Variants in BICDL1 observed in about 807,000 individuals in gnomAD.
The protein encoded by BICDL1 is BICD family-like cargo adapter 1.
BICDL1 carries 20 observed loss-of-function variants against 76.8 expected under a neutral mutation model. The observed-to-expected ratio is 0.26, with a 90% CI of 0.18 to 0.38. The LOEUF (loss-of-function observed/expected upper bound fraction) is 0.38, where lower values mean the gene tolerates loss of function less well. BICDL1 is among the 10% of genes least tolerant of loss of function. BICDL1 has a pLI of 1.00. For missense variants in BICDL1, 700 were observed against 798.6 expected, an observed-to-expected ratio of 0.88 and a Z score of 1.49; for synonymous variants, 383 against 337.1, an observed-to-expected ratio of 1.14 and a Z score of -1.49.
At chr12:120,054,521 G>C (rs1036724379) in intron 2 of BICDL1, among the ~76,000 whole-genome samples, 7 of 152,094 alleles carry the variant, frequency 4.6e-5, no homozygotes, top group African/African-American at 1.7e-4. Flanking sequence ...GAAATCCCAC[G>C]TGCCTAATAA....
intron 2 of BICDL1, among the ~76,000 whole-genome samples, chr12:120,027,674 A>G (rs769631694): frequency 1.7e-4 from 26 of 152,106 alleles, no homozygotes; most frequent in Non-Finnish European, 2.8e-4. Flanking sequence ...TAAAAATCCA[A>G]TTTGCACTCT....
chr12:120,054,003 T>A (rs1952919232), intron 2 of BICDL1, among the ~76,000 whole-genome samples: 1 of 151,680 alleles, frequency 6.6e-6, no homozygotes, highest in Admixed American at 6.6e-5. Context: ...TGAAACCCTG[T>A]CTCTACTAAA....
chr12:120,057,908 G>C (rs868619467), intron 2 of BICDL1, among the ~76,000 whole-genome samples: 27 of 142,812 alleles, frequency 1.9e-4, no homozygotes, highest in African/African-American at 6.9e-4. Context: ...TCGGCACGCT[G>C]CAAGCTCCGC....
intron 2 of BICDL1, among the ~76,000 whole-genome samples, chr12:120,029,101 C>G (rs1231965476): frequency 6.6e-6 from 1 of 152,142 alleles, no homozygotes; most frequent in East Asian, 1.9e-4. Context: ...AAAGCAGGCC[C>G]TGAGCTGAGG....
rs1951952843 is a variant in BICDL1, at chr12:120,011,512, A to G, written c.645+12776A>G. Among the ~76,000 whole-genome samples the G allele has an allele frequency of 2.0e-5, 3 of 152,230 alleles. No homozygotes were observed. The South Asian group carries it at 6.2e-4, about 31-fold the overall frequency. On this transcript the variant is annotated intron_variant, in intron 2 of 9. Transcript: ENST00000548673. Reference sequence around the variant, plus strand: ...TCACCTTTTTTGGTACACATTCACCATTCTATCCCAGATAGAGAAGCTGTT... The same window carrying G: ...TCACCTTTTTTGGTACACATTCACCGTTCTATCCCAGATAGAGAAGCTGTT...
At chr12:120,034,828 A>T (rs1952499093) in intron 2 of BICDL1, among the ~76,000 whole-genome samples, 1 of 152,154 alleles carries the variant, frequency 6.6e-6, no homozygotes. Flanking sequence ...GCAGTTCACA[A>T]CACAGCTGAT....
At chr12:120,051,326 G>A (rs1349385031) in intron 2 of BICDL1, among the ~76,000 whole-genome samples, 1 of 152,168 alleles carries the variant, frequency 6.6e-6, no homozygotes, top group East Asian at 1.9e-4. Context: ...GATTACAGGC[G>A]TGAGCCACTG....
At chr12:120,041,572 G>T (rs538539120) in intron 2 of BICDL1, among the ~76,000 whole-genome samples, 113 of 152,234 alleles carry the variant, frequency 7.4e-4, no homozygotes, top group South Asian at 2.1e-3. Context: ...ACTATCTGTC[G>T]GGTGTAATAA....
At chr12:120,045,917 T>TAATAATAATA (rs1555288138) in intron 2 of BICDL1, among the ~76,000 whole-genome samples, 1 of 137,634 alleles carries the variant, frequency 7.3e-6, no homozygotes, top group East Asian at 2.0e-4. Context: ...CTTAAAGTAT[T>TAATAATAATA]ATAATAATAA....
At chr12:120,064,506 G>C (rs1953177537) in intron 3 of BICDL1, 5 of 291,044 alleles carry the variant, frequency 1.7e-5, no homozygotes, top group Admixed American at 5.3e-5. Flanking sequence ...CCACATTCCA[G>C]CTTCCCCAGA....
At chr12:120,044,256 T>C (rs1178112314) in intron 2 of BICDL1, among the ~76,000 whole-genome samples, 1 of 152,208 alleles carries the variant, frequency 6.6e-6, no homozygotes, top group Non-Finnish European at 1.5e-5. Context: ...TTTGTAACCT[T>C]CTTTTTAGGT....
chr12:120,082,775 C>T (rs1482138227), intron 8 of BICDL1, among the ~76,000 whole-genome samples: 3 of 151,992 alleles, frequency 2.0e-5, no homozygotes, highest in Non-Finnish European at 2.9e-5. Flanking sequence ...CACCATGTTA[C>T]CCAGGCTGGT....
chr12:120,078,133 T>A (rs1436817885), intron 7 of BICDL1, among the ~76,000 whole-genome samples: 4 of 152,156 alleles, frequency 2.6e-5, no homozygotes, highest in Non-Finnish European at 4.4e-5. Flanking sequence ...GCCTTCAAGT[T>A]CCCAATCTAG....
intron 7 of BICDL1, among the ~76,000 whole-genome samples, chr12:120,077,544 C>T (rs570901886): frequency 6.6e-6 from 1 of 151,964 alleles, no homozygotes; most frequent in African/African-American, 2.4e-5. Context: ...TTAGAAGCAT[C>T]CCATTTCTGT....
At chr12:120,082,766 A>G (rs774089896) in intron 8 of BICDL1, among the ~76,000 whole-genome samples, 33 of 150,312 alleles carry the variant, frequency 2.2e-4, no homozygotes, top group Non-Finnish European at 7.4e-5. Context: ...ACGGGTTTTC[A>G]CCATGTTACC....
chr12:120,028,706 T>C (rs1440512050), intron 2 of BICDL1, among the ~76,000 whole-genome samples: 1 of 151,914 alleles, frequency 6.6e-6, no homozygotes, highest in Non-Finnish European at 1.5e-5. Flanking sequence ...TAAAAAGATA[T>C]TGAAAATTAG....
intron 2 of BICDL1, among the ~76,000 whole-genome samples, chr12:120,034,584 G>C (rs926589142): frequency 3.3e-5 from 5 of 152,158 alleles, no homozygotes; most frequent in African/African-American, 1.2e-4. Flanking sequence ...AGGGATGCAG[G>C]GGTCAGCTAA....
In BICDL1 at chr12:120,061,712, A is replaced by G; in HGVS notation, c.648A>G (p.Ala216=). 6.2e-7 allele frequency: 1 copy of G among 1,612,294 alleles called. No homozygotes were observed. Among genetic ancestry groups the G allele is most frequent in the Non-Finnish European group, 8.5e-7 (1 of 1,178,234 alleles). Residue 216 remains alanine (A), a splice_region_variant and synonymous_variant, in exon 3 of 10, where the codon GCA becomes GCG. Coordinates refer to ENST00000548673, the MANE Select transcript of BICDL1 (RefSeq NM_001367886.1). ...TCTGCAGGTCTCCTCTGTTTCAGGC[A>G]TCAGAAGTTGAGAGACAACTCTCCA... The part of the protein sequence containing the change: ...NQRLLDQLSR[A]SEVERQLSMQ...
intron 2 of BICDL1, among the ~76,000 whole-genome samples, chr12:120,019,822 A>G (rs537533902): frequency 6.6e-6 from 1 of 152,320 alleles, no homozygotes; most frequent in South Asian, 2.1e-4. Flanking sequence ...ATGCAATATC[A>G]TACAACCCAA....
Sources: allele counts gnomAD v4.1 joint callset (sites outside exome capture counted in the v4.1 genomes callset), GRCh38; gene constraint gnomAD v4.1.1; transcripts MANE v1.5; gene names NCBI Gene and HGNC (gene_info 2026-07-23, HGNC 2026-07-21).